GDI2: variants seen among roughly 807,000 people sequenced by gnomAD.
The protein encoded by GDI2 is rab GDP dissociation inhibitor beta.
GDI2 carries 22 observed loss-of-function variants against 54.2 expected under a neutral mutation model. That is an observed-to-expected ratio of 0.41 (90% CI 0.29 to 0.58). The LOEUF (loss-of-function observed/expected upper bound fraction) is 0.58. GDI2 is among the 20% of genes least tolerant of loss of function. The pLI is 0.35. For missense variants in GDI2, 422 were observed against 546.0 expected, an observed-to-expected ratio of 0.77 and a Z score of 2.26; for synonymous variants, 177 against 182.1, an observed-to-expected ratio of 0.97 and a Z score of 0.23.
At chr10:5,770,228 C>T (rs1168922726) in intron 7 of GDI2, among the ~76,000 whole-genome samples, 2 of 152,098 alleles carry the variant, frequency 1.3e-5, no homozygotes, top group East Asian at 3.8e-4. Context: ...AAGCAGAGAA[C>T]GAGGAGTTAT....
intron 4 of GDI2, among the ~76,000 whole-genome samples, chr10:5,790,245 A>G (rs377549079): frequency 2.3e-4 from 35 of 152,324 alleles, no homozygotes; most frequent in Non-Finnish European, 3.2e-4. Flanking sequence ...TTTGGTACCA[A>G]TAAGTCCAGT....
intron 1 of GDI2, among the ~76,000 whole-genome samples, chr10:5,807,689 A>G (rs1169048245): frequency 6.6e-6 from 1 of 152,200 alleles, no homozygotes; most frequent in Non-Finnish European, 1.5e-5. Context: ...TAATTGCACC[A>G]AAGTGCTAGT....
At chr10:5,796,059 T>C (rs191829686) in intron 3 of GDI2, among the ~76,000 whole-genome samples, 11 of 152,304 alleles carry the variant, frequency 7.2e-5, no homozygotes, top group African/African-American at 2.6e-4. Flanking sequence ...AAAAAAGTAC[T>C]AATATTACAG....
chr10:5,812,453 A>G (rs1841496654), intron 1 of GDI2, among the ~76,000 whole-genome samples: 1 of 152,202 alleles, frequency 6.6e-6, no homozygotes, highest in African/African-American at 2.4e-5. Flanking sequence ...CTTAGGGGAA[A>G]ACAGTCCAGA....
chr10:5,772,203 C>A (rs373668740), intron 7 of GDI2, among the ~76,000 whole-genome samples: 1 of 152,220 alleles, frequency 6.6e-6, no homozygotes, highest in East Asian at 1.9e-4. Context: ...GACAGTGATA[C>A]TGATGACCCC....
intron 2 of GDI2, 38 bp downstream of exon 2, chr10:5,800,560 A>G (rs1290637292): frequency 1.7e-5 from 16 of 930,838 alleles, no homozygotes; most frequent in South Asian, 6.5e-5. Context: ...AAATACTCAC[A>G]AAGTGTGAGA....
At chr10:5,789,345 C>G (rs1840955273) in intron 4 of GDI2, among the ~76,000 whole-genome samples, 1 of 152,062 alleles carries the variant, frequency 6.6e-6, no homozygotes, top group Admixed American at 6.6e-5. Flanking sequence ...AGTGATCCAC[C>G]CACCTCAACC....
chr10:5,791,151 A>AT (rs1337176809), intron 4 of GDI2, among the ~76,000 whole-genome samples: 1 of 151,970 alleles, frequency 6.6e-6, no homozygotes, highest in African/African-American at 2.4e-5. Context: ...AAATTGCACC[A>AT]TTATAGGCAT....
chr10:5,812,941 C>A (rs1289412490), intron 1 of GDI2, among the ~76,000 whole-genome samples: 1 of 152,208 alleles, frequency 6.6e-6, no homozygotes, highest in Non-Finnish European at 1.5e-5. Flanking sequence ...TGGGGGCAAG[C>A]GCAGAGGCCG....
Sources: allele counts gnomAD v4.1 joint callset (sites outside exome capture counted in the v4.1 genomes callset), GRCh38; gene constraint gnomAD v4.1.1; transcripts MANE v1.5; gene names NCBI Gene and HGNC (gene_info 2026-07-23, HGNC 2026-07-21).